The following PREPL variants were observed in gnomAD, a reference collection of about 807,000 sequenced individuals.
The protein encoded by PREPL is prolyl endopeptidase like.
In PREPL, 77 loss-of-function variants were observed where a neutral mutation model predicts 70.6. The ratio of observed to expected loss-of-function variants is 1.09; its 90% CI spans 0.91 to 1.32. The LOEUF (loss-of-function observed/expected upper bound fraction) is 1.32, where lower values mean the gene tolerates loss of function less well. Ranked by LOEUF, PREPL falls within the 40% of genes most tolerant of loss-of-function variation. PREPL has a pLI of 0.00. For missense variants in PREPL, 1,002 were observed against 778.2 expected, an observed-to-expected ratio of 1.29 and a Z score of -3.42; for synonymous variants, 315 against 264.8, an observed-to-expected ratio of 1.19 and a Z score of -1.84.
In PREPL at chr2:44,355,925, C is replaced by G. The variant is rs139167880; in HGVS notation, c.-49+5455G>C. On this transcript the variant is annotated intron_variant, in intron 1 of 13. Coordinates refer to ENST00000409411, the MANE Select transcript of PREPL (RefSeq NM_001171613.2). ...ATTTTGTATCTTGTTCAAATTATCA[C>G]TATTAAAGATTTTGGGAATTATTTT... is the stretch of plus-strand genomic sequence containing the variant. Among the ~76,000 whole-genome samples the G allele has an allele frequency of 3.3e-3, 506 of 152,092 alleles. 3 individuals are homozygous for G. The highest frequency in any genetic ancestry group is 0.012 in the African/African-American group (492 of 41,498).
intron 13 of PREPL, 36 bp downstream of exon 13, chr2:44,321,791 G>C: frequency 6.2e-7 from 1 of 1,613,642 alleles, no homozygotes; most frequent in Non-Finnish European, 8.5e-7. Flanking sequence ...TATCTAGTTC[G>C]GGAATCTGTC....
chr2:44,335,350 T>C (rs1422107361), intron 7 of PREPL, among the ~76,000 whole-genome samples: 2 of 152,228 alleles, frequency 1.3e-5, no homozygotes, highest in Non-Finnish European at 2.9e-5. Context: ...TTTCCTGACA[T>C]AGAATTTTGT....
intron 1 of PREPL, among the ~76,000 whole-genome samples, chr2:44,348,988 G>C (rs1421923413): frequency 6.6e-6 from 1 of 152,140 alleles, no homozygotes; most frequent in Non-Finnish European, 1.5e-5. Flanking sequence ...CTACCCAATG[G>C]AGCTGAGGTA....
chr2:44,326,620 C>T, intron 10 of PREPL, 92 bp downstream of exon 10: 3 of 1,321,472 alleles, frequency 2.3e-6, no homozygotes, highest in Admixed American at 1.7e-5. Context: ...CAGGCATGAG[C>T]CGCTGTGCCA....
At chr2:44,337,410 T>C (rs929772512) in intron 7 of PREPL, among the ~76,000 whole-genome samples, 7 of 152,234 alleles carry the variant, frequency 4.6e-5, no homozygotes, top group Non-Finnish European at 1.0e-4. Flanking sequence ...ATTAACTATA[T>C]CTTCCTTAAG....
rs1350937072 is a variant in PREPL at position 44,344,857 on chromosome 2, C to A, written c.76-271G>T. ...GTATAACAAAATCTGTCAGTTCTCA[C>A]AACTGTACAAACCACTTCTGCTACA... On this transcript the variant is annotated intron_variant, in intron 2 of 13. Transcript: ENST00000409411. 2.6e-5 allele frequency among the ~76,000 whole-genome samples: 4 copies of A among 152,314 alleles called. No homozygotes were observed. In the South Asian group the frequency reaches 6.2e-4, roughly 24 times the overall value.
chr2:44,342,356 G>A (rs1675313809), intron 5 of PREPL, 61 bp downstream of exon 5: 3 of 1,432,676 alleles, frequency 2.1e-6, no homozygotes, highest in Non-Finnish European at 1.9e-6. Context: ...ACCAAAGTCA[G>A]TACTTTAAAT....
rs181714904 is a variant in PREPL at position 44,334,863 on chromosome 2, G to T, written c.889-2207C>A. Among the ~76,000 whole-genome samples, 157 of 152,264 alleles carry T rather than the reference G, an allele frequency of 1.0e-3. 1 individual carries two copies. The highest frequency in any genetic ancestry group is 3.8e-3 in the African/African-American group (156 of 41,548). On this transcript the variant is annotated intron_variant, in intron 7 of 13. Coordinates refer to ENST00000409411, the MANE Select transcript of PREPL (RefSeq NM_001171613.2). Reference sequence around the variant, plus strand: ...CCAAAGTGCTGGGATTACAGGCTGAGATTGAATTTAAAAAGATCTTTTAAT... The same window carrying T: ...CCAAAGTGCTGGGATTACAGGCTGATATTGAATTTAAAAAGATCTTTTAAT...
At position 44,318,194 on chromosome 2, in the gene PREPL, G is replaced by A. The variant is rs1418856580; in HGVS notation, c.*3162C>T. On this transcript the variant is annotated 3_prime_UTR_variant, in exon 14 of 14. Coordinates refer to ENST00000409411, the MANE Select transcript of PREPL (RefSeq NM_001171613.2). ...CAGCCTCTGCTTCCTGGGTTCAAGT[G>A]ATTCTCCTGCTGCAGCCTCCCAAGT... 3 of 414,076 alleles carry A rather than the reference G, an allele frequency of 7.2e-6. No homozygotes were observed. The highest frequency in any genetic ancestry group is 2.1e-5 in the African/African-American group (1 of 46,912). The allele number at this position is 414,076 out of a possible 1,614,324, so 25.7% of individuals were successfully genotyped here.
chr2:44,357,448 G>T (rs1034931140), intron 1 of PREPL, among the ~76,000 whole-genome samples: 2 of 152,150 alleles, frequency 1.3e-5, no homozygotes, highest in Non-Finnish European at 2.9e-5. Flanking sequence ...AAAGACCATG[G>T]CTTTTACATT....
At chr2:44,352,570 T>C (rs1676562858) in intron 1 of PREPL, among the ~76,000 whole-genome samples, 1 of 152,328 alleles carries the variant, frequency 6.6e-6, no homozygotes, top group South Asian at 2.1e-4. Context: ...GTTCATGTAA[T>C]TCTTTATTCT....
At chr2:44,332,790 A>G (rs1674254275) in intron 7 of PREPL, 134 bp from the exon 8 acceptor site, 1 of 659,630 alleles carries the variant, frequency 1.5e-6, no homozygotes, top group South Asian at 2.3e-5. Context: ...TGCCTCATTC[A>G]AGGATTACTT....
intron 11 of PREPL, 62 bp downstream of exon 11, chr2:44,323,199 AG>A: frequency 7.0e-7 from 1 of 1,422,534 alleles, no homozygotes. Flanking sequence ...AGCTTGGATA[AG>A]TTTTTTTTTT....
Position 44,334,770 on chromosome 2 carries a change from G to C in PREPL, c.889-2114C>G, listed in dbSNP as rs534535755. ...ATTTTTTGTATTTTTAGTAGAGACA[G>C]GGTTTTGCCATGTTGGCCAGGGTGG... On this transcript the variant is annotated intron_variant, in intron 7 of 13. Coordinates refer to ENST00000409411, the MANE Select transcript of PREPL (RefSeq NM_001171613.2). Among the ~76,000 whole-genome samples the C allele has an allele frequency of 4.6e-5, 7 of 152,268 alleles. No individual in the cohort carries two copies. In the East Asian group the frequency reaches 1.4e-3, roughly 29 times the overall value.
At chr2:44,354,628 G>A (rs575716474) in intron 1 of PREPL, among the ~76,000 whole-genome samples, 36 of 151,764 alleles carry the variant, frequency 2.4e-4, no homozygotes, top group African/African-American at 8.2e-4. Flanking sequence ...AGGCTGGAGT[G>A]CAGTGGCACG....
intron 11 of PREPL, 142 bp from the exon 12 acceptor site, chr2:44,322,996 C>T: frequency 8.7e-7 from 1 of 1,144,194 alleles, no homozygotes; most frequent in Non-Finnish European, 1.2e-6. Context: ...GAGAGCGCCT[C>T]AGTATTACAG....
rs1325868381 is a variant in PREPL, at chr2:44,338,361, C to T, written c.878G>A (p.Arg293Gln). 24 of 1,610,600 alleles carry T rather than the reference C, an allele frequency of 1.5e-5. No homozygotes were observed. Among genetic ancestry groups the T allele is most frequent in the Non-Finnish European group, 2.0e-5 (24 of 1,179,156 alleles). ...GAAAATTAAACATACCTTTAGAGACCGAACTGAATCATCAGCCAGACCAAT... is the reference window on the plus strand; with the variant it reads ...GAAAATTAAACATACCTTTAGAGACTGAACTGAATCATCAGCCAGACCAAT... ...NVIGLADDSV[R>Q]SLKLPPWACG... is the part of the protein sequence containing the mutation. Residue 293 changes from arginine (R) to glutamine (Q), a missense_variant, in exon 7 of 14, where the codon CGG becomes CAG. Arg to Gln is a conservative substitution (Grantham distance 43, BLOSUM62 1). Coordinates refer to ENST00000409411, the MANE Select transcript of PREPL (RefSeq NM_001171613.2).
rs371309095 is a variant in PREPL at position 44,342,492 on chromosome 2, C to T, written c.410G>A (p.Arg137His). The change falls in exon 5 of 14, where the codon CGC becomes CAC. Residue 137 changes from arginine (R) to histidine (H), a missense_variant. By Grantham distance (29) the Arg-to-His change is conservative. Coordinates refer to ENST00000409411, the MANE Select transcript of PREPL (RefSeq NM_001171613.2). Reference sequence around the variant, plus strand: ...AGTGGCTCGATATACGTCATGACAGCGAAGGTTCCTCTGGAAGGTGTAGAA... The same window carrying T: ...AGTGGCTCGATATACGTCATGACAGTGAAGGTTCCTCTGGAAGGTGTAGAA... The part of the protein sequence containing the change: ...VLFYTFQRNL[R>H]CHDVYRATFG... The T allele has an allele frequency of 1.9e-5, 30 of 1,612,458 alleles. No homozygotes were observed. The highest frequency in any genetic ancestry group is 1.0e-4 in the Admixed American group (6 of 59,902).
chr2:44,349,532 A>T (rs975806804), intron 1 of PREPL, among the ~76,000 whole-genome samples: 1 of 152,342 alleles, frequency 6.6e-6, no homozygotes, highest in East Asian at 1.9e-4. Context: ...GAAAAAGAGT[A>T]AGTCTTAAGG....
Sources: gnomAD v4.1 joint callset for allele counts (sites outside exome capture counted in the v4.1 genomes callset) on GRCh38, gnomAD v4.1.1 for gene constraint, MANE v1.5 for transcripts, NCBI Gene and HGNC (gene_info 2026-07-23, HGNC 2026-07-21) for gene names.